The following ZNF518A variants were observed in gnomAD, a reference collection of about 807,000 sequenced individuals.
ZNF518A encodes zinc finger protein 518.
ZNF518A carries 47 observed loss-of-function variants against 102.7 expected under a neutral mutation model. The ratio of observed to expected loss-of-function variants is 0.46; its 90% CI spans 0.36 to 0.58. The LOEUF (loss-of-function observed/expected upper bound fraction) is 0.58. Among genes scored for constraint, ZNF518A ranks in the 20% least tolerant of loss-of-function variants. ZNF518A has a pLI of 0.00. For synonymous variants in ZNF518A, 652 were observed against 594.6 expected (o/e 1.10, Z -1.40); for missense variants, 1,793 against 1,699.8 (o/e 1.05, Z -0.96).
At chr10:96,149,812 T>G (rs1362730855) in intron 3 of ZNF518A, among the ~76,000 whole-genome samples, 2 of 152,234 alleles carry the variant, frequency 1.3e-5, no homozygotes, top group African/African-American at 4.8e-5. Flanking sequence ...CTTTTTTAAC[T>G]ATATTAATAA....
chr10:96,200,922 C>A lies in ZNF518A; in HGVS notation n.36-2652C>A. 6.9e-7 allele frequency: 1 copy of A among 1,439,418 alleles called. No homozygotes were observed. The allele number at this position is 1,439,418 out of a possible 1,614,324, so 89.2% of individuals were successfully genotyped here. A position where few individuals can be genotyped will look rare whatever the true frequency, so the allele number is the denominator to read the frequency against. On this transcript the variant is annotated intron_variant and non_coding_transcript_variant, in intron 1 of 2. Coordinates refer to the ZNF518A transcript ENST00000442635. This position sits in a 1 kb window ranked among gnomAD's most constrained non-coding sequence, Gnocchi z 4.3. ...CTCCAAATGTCTTCTTCTCAGAAGA[C>A]ATGCTCTTTCCTGCAGTTTCCTGGT...
intron 3 of ZNF518A, among the ~76,000 whole-genome samples, chr10:96,141,146 C>G (rs1477707324): frequency 6.6e-6 from 1 of 152,164 alleles, no homozygotes; most frequent in East Asian, 1.9e-4. Context: ...GTGTACCCAG[C>G]CTTCTGGTTT....
At chr10:96,141,673 A>T (rs948611057) in intron 3 of ZNF518A, among the ~76,000 whole-genome samples, 1 of 152,190 alleles carries the variant, frequency 6.6e-6, no homozygotes, top group African/African-American at 2.4e-5. Context: ...GAACATTTCT[A>T]GATCTGTATT....
chr10:96,160,611 G>A lies in ZNF518A; in HGVS notation c.4289G>A (p.Ser1430Asn), dbSNP rs1269507256. 20 of 1,612,530 alleles carry A rather than the reference G, an allele frequency of 1.2e-5. No homozygotes were observed. The highest frequency in any genetic ancestry group is 1.7e-5 in the Non-Finnish European group (20 of 1,179,362). ...FVLKLTLKKT[S>N]KNNYQIVKTT... ...CTAAAATTAACACTCAAAAAGACAAGCAAAAACAATTACCAGATTGTGAAG... is the reference window on the plus strand; with the variant it reads ...CTAAAATTAACACTCAAAAAGACAAACAAAAACAATTACCAGATTGTGAAG... Residue 1430 changes from serine to asparagine, a missense_variant, in exon 6 of 6, where the codon AGC (serine) becomes AAC (asparagine). Ser to Asn is a conservative substitution (Grantham distance 46, BLOSUM62 1). Transcript: ENST00000316045.
At position 96,160,813 on chromosome 10, in the gene ZNF518A, C is replaced by T. The variant is rs1554887631; in HGVS notation, c.*39C>T. On this transcript the variant is annotated 3_prime_UTR_variant, in exon 6 of 6. Transcript: ENST00000316045. Reference sequence around the variant, plus strand: ...CCAAGGAAAAGAAAAGTAAAATTACCTTAGAAGAAAACAACGGGTTCAGTT... The same window carrying T: ...CCAAGGAAAAGAAAAGTAAAATTACTTTAGAAGAAAACAACGGGTTCAGTT... The T allele has an allele frequency of 1.4e-5, 20 of 1,478,640 alleles. No individual in the cohort carries two copies. Among genetic ancestry groups the T allele is most frequent in the Non-Finnish European group, 1.8e-5 (20 of 1,117,616 alleles). The allele number at this position is 1,478,640 out of a possible 1,614,324, so 91.6% of individuals were successfully genotyped here.
chr10:96,142,805 CTTT>C (rs782256155), intron 3 of ZNF518A, among the ~76,000 whole-genome samples: 3 of 137,604 alleles, frequency 2.2e-5, no homozygotes, highest in Admixed American at 7.3e-5. Flanking sequence ...TGTGTGATTT[CTTT>C]TTTTTTTTTT....
At chr10:96,179,786 C>T (rs1216709842) in intron 1 of ZNF518A, among the ~76,000 whole-genome samples, 1 of 147,248 alleles carries the variant, frequency 6.8e-6, no homozygotes, top group Non-Finnish European at 1.5e-5. Context: ...TCCTTTTCTT[C>T]TTCCTCCTCC....
At chr10:96,143,224 T>G (rs1309745824) in intron 3 of ZNF518A, among the ~76,000 whole-genome samples, 2 of 152,220 alleles carry the variant, frequency 1.3e-5, no homozygotes, top group African/African-American at 2.4e-5. Flanking sequence ...TTCTCCAGTT[T>G]ATCTTGCTGT....
At position 96,158,223 on chromosome 10, in the gene ZNF518A, A is replaced by G; in HGVS notation, c.1901A>G (p.Gln634Arg). 6.2e-7 allele frequency: 1 copy of G among 1,613,756 alleles called. No individual in the cohort carries two copies. Among genetic ancestry groups the G allele is most frequent in the Non-Finnish European group, 8.5e-7 (1 of 1,179,758 alleles). The change falls in exon 6 of 6, where the codon CAA (glutamine) becomes CGA (arginine). Residue 634 changes from glutamine to arginine, a missense_variant. This residue lies in a region of ZNF518A where 1,741 missense variants were observed against 1,622.6 expected (regional missense o/e 1.07). Transcript: ENST00000316045. ...GAGTTACCTGTTGAATCCTCCAACCAAGGATCATTACCTTTTCATAATTAC... is the reference window on the plus strand; with the variant it reads ...GAGTTACCTGTTGAATCCTCCAACCGAGGATCATTACCTTTTCATAATTAC... ...NCELPVESSN[Q>R]GSLPFHNYSK...
At chr10:96,144,444 A>G (rs1281486455) in intron 3 of ZNF518A, among the ~76,000 whole-genome samples, 2 of 152,192 alleles carry the variant, frequency 1.3e-5, no homozygotes, top group African/African-American at 4.8e-5. Flanking sequence ...TGATATATCC[A>G]TATTTATATG....
Position 96,192,774 on chromosome 10 carries a change from A to G in ZNF518A, n.36-10800A>G, listed in dbSNP as rs587594733. On this transcript the variant is annotated intron_variant and non_coding_transcript_variant, in intron 1 of 2. Transcript: ENST00000442635. ...TTCTGAAAAATAATTAAAGTTTTGA[A>G]GGAAAGATAAAAACAAATGTAACAC... is the stretch of plus-strand genomic sequence containing the variant. Among the ~76,000 whole-genome samples the G allele has an allele frequency of 1.8e-4, 27 of 152,320 alleles. No homozygotes were observed. The South Asian group carries it at 2.7e-3, about 15-fold the overall frequency.
Position 96,158,070 on chromosome 10 carries a change from T to G in ZNF518A, c.1748T>G (p.Leu583Arg), listed in dbSNP as rs1299415556. ...AATGTTGACTTCTGGGGAAATCATC[T>G]CACTCAGAGTCACCCCGAGGTATTA... Reference protein sequence around the residue: ...RDNVDFWGNHLTQSHPEVLGT... With the variant: ...RDNVDFWGNHRTQSHPEVLGT... The change falls in exon 6 of 6, where the codon CTC becomes CGC. Residue 583 changes from leucine to arginine, a missense_variant. Leu to Arg is a moderately radical substitution (Grantham distance 102). Around this residue, in one of 3 missense-constraint regions of ZNF518A, gnomAD observed 1,741 missense variants for 1,622.6 expected, o/e 1.07. Transcript: ENST00000316045. The G allele has an allele frequency of 8.7e-6, 14 of 1,613,530 alleles. No individual in the cohort carries two copies. The highest frequency in any genetic ancestry group is 1.7e-5 in the Admixed American group (1 of 59,910).
intron 3 of ZNF518A, among the ~76,000 whole-genome samples, chr10:96,144,885 A>G (rs913771890): frequency 5.3e-5 from 8 of 152,182 alleles, no homozygotes; most frequent in Non-Finnish European, 1.0e-4. Context: ...AATATGCTGC[A>G]TATTGCAAAA....
At chr10:96,139,937 C>T (rs1213361923) in intron 3 of ZNF518A, among the ~76,000 whole-genome samples, 3 of 152,054 alleles carry the variant, frequency 2.0e-5, no homozygotes, top group Non-Finnish European at 2.9e-5. Context: ...CGGCTGACTG[C>T]AACCTCCACC....
At chr10:96,166,254 A>G (rs1315090156), downstream of ZNF518A, among the ~76,000 whole-genome samples, 1 of 152,228 alleles carries the variant, frequency 6.6e-6, no homozygotes, top group Admixed American at 6.5e-5. Flanking sequence ...CTCACATACC[A>G]GTCTCTGAAA....
chr10:96,199,046 C>T (rs917978701), intron 1 of ZNF518A, among the ~76,000 whole-genome samples: 4 of 152,116 alleles, frequency 2.6e-5, no homozygotes, highest in Non-Finnish European at 5.9e-5. Flanking sequence ...AATGTAAACA[C>T]GATTTTTCCT....
At position 96,158,443 on chromosome 10, in the gene ZNF518A, T is replaced by G; in HGVS notation, c.2121T>G (p.Asp707Glu). The part of the protein sequence containing the change: ...LASISLLNDK[D>E]GTLKAKSEIE... ...CTATTAGCCTTTTAAATGATAAAGA[T>G]GGAACTTTAAAAGCAAAATCTGAAA... is the stretch of plus-strand genomic sequence containing the variant. The change falls in exon 6 of 6, where the codon GAT (aspartate) becomes GAG (glutamate). Residue 707 changes from aspartate (D) to glutamate (E), a missense_variant. Coordinates refer to ENST00000316045, the MANE Select transcript of ZNF518A (RefSeq NM_001330736.2). The G allele has an allele frequency of 1.2e-6, 2 of 1,612,848 alleles. No homozygotes were observed. The highest frequency in any genetic ancestry group is 1.7e-6 in the Non-Finnish European group (2 of 1,179,586).
downstream of ZNF518A, among the ~76,000 whole-genome samples, chr10:96,165,487 AAACAG>A (rs1378957616): frequency 1.5e-5 from 2 of 137,922 alleles, no homozygotes; most frequent in Non-Finnish European, 3.1e-5. Context: ...AAAAAAAAAA[AAACAG>A]ACACCAAACC....
At chr10:96,196,090 G>C (rs905717561) in intron 1 of ZNF518A, among the ~76,000 whole-genome samples, 2 of 152,126 alleles carry the variant, frequency 1.3e-5, no homozygotes, top group African/African-American at 2.4e-5. Flanking sequence ...GGTTTGGAAT[G>C]GTGTACCTTT....
Sources: allele counts gnomAD v4.1 joint callset (sites outside exome capture counted in the v4.1 genomes callset), GRCh38; gene constraint gnomAD v4.1.1; regional missense constraint gnomAD v4.1.1; non-coding constraint Gnocchi (gnomAD v3.1); transcripts MANE v1.5; gene names NCBI Gene and HGNC (gene_info 2026-07-23, HGNC 2026-07-21).